Variants in PDE11A observed in about 807,000 individuals in gnomAD.
The protein encoded by PDE11A is dual 3',5'-cyclic-AMP and -GMP phosphodiesterase 11A.
A neutral mutation model predicts 100.5 loss-of-function variants in PDE11A; 100 were observed. The ratio of observed to expected loss-of-function variants is 1.00; its 90% CI spans 0.85 to 1.18. The LOEUF (loss-of-function observed/expected upper bound fraction) is 1.18. Ranked by LOEUF, PDE11A falls within the 50% of genes most tolerant of loss-of-function variation. PDE11A has a pLI of 0.00. For synonymous variants in PDE11A, 381 were observed against 420.8 expected, an observed-to-expected ratio of 0.91 and a Z score of 1.16; for missense variants, 1,141 against 1,152.6, an observed-to-expected ratio of 0.99 and a Z score of 0.15.
intron 2 of PDE11A, among the ~76,000 whole-genome samples, chr2:177,956,858 A>G (rs926408665): frequency 2.6e-5 from 4 of 152,178 alleles, no homozygotes; most frequent in Non-Finnish European, 5.9e-5. Flanking sequence ...GGAATTGAAC[A>G]ATGAGAACAC....
At chr2:178,097,782 G>C (rs1024629907) in intron 2 of PDE11A, among the ~76,000 whole-genome samples, 1 of 152,140 alleles carries the variant, frequency 6.6e-6, no homozygotes, top group African/African-American at 2.4e-5. Flanking sequence ...TCAGCTCTAA[G>C]GTCAAATGAC....
At position 177,911,903 on chromosome 2, in the gene PDE11A, A is replaced by G. The variant is rs2084886579; in HGVS notation, c.1072-6716T>C. The stretch of plus-strand genomic sequence containing the variant: ...CATCTCCAAAAAAAAAAAAAATTGT[A>G]ATGGAATAGATGATTCAATTACATG... On this transcript the variant is annotated intron_variant, in intron 2 of 19. Coordinates refer to ENST00000286063, the MANE Select transcript of PDE11A (RefSeq NM_016953.4). 2.0e-5 allele frequency among the ~76,000 whole-genome samples: 3 copies of G among 152,078 alleles called. 1 individual carries two copies. The highest frequency in any genetic ancestry group is 4.4e-5 in the Non-Finnish European group (3 of 68,002).
At chr2:177,798,081 G>A (rs1242992079) in intron 9 of PDE11A, among the ~76,000 whole-genome samples, 2 of 152,112 alleles carry the variant, frequency 1.3e-5, no homozygotes, top group Non-Finnish European at 2.9e-5. Context: ...TGAGGTGCTT[G>A]AATAGCATGC....
chr2:177,926,006 T>G (rs1255371329), intron 2 of PDE11A, among the ~76,000 whole-genome samples: 1 of 152,136 alleles, frequency 6.6e-6, no homozygotes, highest in Non-Finnish European at 1.5e-5. Flanking sequence ...CTTCCTCCAT[T>G]TGAAGAAAAA....
chr2:177,898,202 G>A lies in PDE11A; in HGVS notation c.1162-4C>T. On this transcript the variant is annotated splice_polypyrimidine_tract_variant and splice_region_variant and intron_variant, in intron 3 of 19. Transcript: ENST00000286063. Reference sequence around the variant, plus strand: ...CATTAACCACCTCTAGCAAAGCCTAGAAAAGATGAAATAGATGTATATAAG... The same window carrying A: ...CATTAACCACCTCTAGCAAAGCCTAAAAAAGATGAAATAGATGTATATAAG... 7 of 1,600,522 alleles carry A rather than the reference G, an allele frequency of 4.4e-6. No homozygotes were observed. The highest frequency in any genetic ancestry group is 6.0e-6 in the Non-Finnish European group (7 of 1,167,728).
chr2:178,083,381 G>A (rs1175556344), intron 2 of PDE11A, among the ~76,000 whole-genome samples: 2 of 152,178 alleles, frequency 1.3e-5, no homozygotes, highest in African/African-American at 2.4e-5. Context: ...TCACAGGCGT[G>A]AGCCACCTCG....
chr2:177,857,588 GA>G (rs2105662447), intron 5 of PDE11A, among the ~76,000 whole-genome samples: 1 of 152,066 alleles, frequency 6.6e-6, no homozygotes, highest in Non-Finnish European at 1.5e-5. Flanking sequence ...GTATACTATG[GA>G]TACAAAAGAA....
chr2:177,709,172 G>T (rs1159205325), intron 13 of PDE11A, among the ~76,000 whole-genome samples: 2 of 152,200 alleles, frequency 1.3e-5, no homozygotes, highest in Non-Finnish European at 2.9e-5. Flanking sequence ...AGGGCCCGAA[G>T]GGGCTAAGCT....
intron 1 of PDE11A, among the ~76,000 whole-genome samples, chr2:178,058,737 G>C (rs898131837): frequency 2.6e-5 from 4 of 152,140 alleles, no homozygotes; most frequent in Non-Finnish European, 5.9e-5. Context: ...GAAAATCATA[G>C]CATCTGCCTT....
Position 177,815,360 on chromosome 2 carries a change from T to C in PDE11A, c.1737+1469A>G, listed in dbSNP as rs560523585. 3.9e-5 allele frequency among the ~76,000 whole-genome samples: 6 copies of C among 152,338 alleles called. No individual in the cohort carries two copies. The South Asian group carries it at 1.2e-3, about 32-fold the overall frequency. ...AAGTGACAGATCCAGGATTTGAAAA[T>C]AGTTCTGCACACAGACCTTAATGCT... On this transcript the variant is annotated intron_variant, in intron 9 of 19. Transcript: ENST00000286063.
chr2:177,956,201 A>G (rs1407012099), intron 2 of PDE11A, among the ~76,000 whole-genome samples: 1 of 152,200 alleles, frequency 6.6e-6, no homozygotes, highest in East Asian at 1.9e-4. Context: ...ATGAACTCAA[A>G]CACATTTACA....
chr2:177,825,391 G>T (rs530140440), intron 6 of PDE11A, among the ~76,000 whole-genome samples: 2 of 152,304 alleles, frequency 1.3e-5, no homozygotes, highest in South Asian at 4.1e-4. Context: ...GCCCAATCAG[G>T]TGGGAGAGGA....
chr2:177,821,218 C>T (rs2083133204), intron 6 of PDE11A, among the ~76,000 whole-genome samples: 1 of 151,784 alleles, frequency 6.6e-6, no homozygotes, highest in Non-Finnish European at 1.5e-5. Context: ...TGACATTTCT[C>T]TTTGAGAAGT....
intron 12 of PDE11A, 135 bp downstream of exon 12, chr2:177,727,523 T>A: frequency 1.4e-6 from 1 of 718,072 alleles, no homozygotes; most frequent in Non-Finnish European, 2.6e-6. Flanking sequence ...ATATATACTT[T>A]CATAACCAGG....
intron 8 of PDE11A, 58 bp from the exon 9 acceptor site, chr2:177,816,979 T>C (rs1558952888): frequency 2.0e-6 from 2 of 995,108 alleles, no homozygotes. Flanking sequence ...CAAAATCTAA[T>C]ATGAAAGCAG....
rs62183375 is a variant in PDE11A at position 177,881,341 on chromosome 2, G to A, written c.1303-5418C>T. ...ATCTCTATCTATCTATCATCTATCT[G>A]TCTATCTATCTATCTATCTATCTAT... On this transcript the variant is annotated intron_variant, in intron 4 of 19. Transcript: ENST00000286063. Among the ~76,000 whole-genome samples the A allele has an allele frequency of 3.0e-3, 442 of 147,624 alleles. 4 individuals are homozygous for A. The highest frequency in any genetic ancestry group is 9.8e-3 in the African/African-American group (389 of 39,826).
At chr2:177,726,302 T>A (rs1439507606) in intron 12 of PDE11A, among the ~76,000 whole-genome samples, 1 of 152,130 alleles carries the variant, frequency 6.6e-6, no homozygotes, top group African/African-American at 2.4e-5. Context: ...CATCTTATGC[T>A]AGATGCACAT....
At chr2:177,949,450 T>A (rs940997160) in intron 2 of PDE11A, among the ~76,000 whole-genome samples, 1 of 152,114 alleles carries the variant, frequency 6.6e-6, no homozygotes, top group Non-Finnish European at 1.5e-5. Flanking sequence ...CATATACGTA[T>A]ATAGATCCAT....
At chr2:177,836,418 T>G (rs2083400176) in intron 6 of PDE11A, among the ~76,000 whole-genome samples, 2 of 152,240 alleles carry the variant, frequency 1.3e-5, no homozygotes, top group Non-Finnish European at 2.9e-5. Context: ...CTAGCTAATC[T>G]GATGCGGACT....
Sources: allele counts gnomAD v4.1 joint callset (sites outside exome capture counted in the v4.1 genomes callset), GRCh38; gene constraint gnomAD v4.1.1; transcripts MANE v1.5; gene names NCBI Gene and HGNC (gene_info 2026-07-23, HGNC 2026-07-21).